Variants in NFASC observed in about 807,000 individuals in gnomAD.
NFASC encodes neurofascin homolog.
Under a neutral mutation model 147.5 loss-of-function variants are expected in NFASC, and 43 were observed. The observed-to-expected ratio is 0.29, with a 90% CI of 0.23 to 0.38. The LOEUF (loss-of-function observed/expected upper bound fraction) is 0.38. Ranked by LOEUF, NFASC falls within the 10% of genes least tolerant of loss-of-function variation. The probability of loss-of-function intolerance (pLI) is 1.00; values close to 1 mark genes in which losing one functional copy is unlikely to be tolerated. For synonymous variants in NFASC, 622 were observed against 665.5 expected (o/e 0.93, Z 1.01); for missense variants, 1,320 against 1,689.0 (o/e 0.78, Z 3.83).
intron 1 of NFASC, among the ~76,000 whole-genome samples, chr1:204,844,237 A>C (rs1350591202): frequency 6.6e-6 from 1 of 152,244 alleles, no homozygotes; most frequent in Admixed American, 6.5e-5. Flanking sequence ...AGAGTTAAGT[A>C]GGGCTTACCC....
At chr1:204,839,600 T>C (rs16854510) in intron 1 of NFASC, among the ~76,000 whole-genome samples, 1,792 of 152,136 alleles carry the variant, frequency 0.012, 31 homozygotes, top group African/African-American at 0.04. Flanking sequence ...AGAGCTGCCT[T>C]TATGGTTGGT....
chr1:204,896,937 G>A (rs2149121531), intron 1 of NFASC, among the ~76,000 whole-genome samples: 1 of 152,276 alleles, frequency 6.6e-6, no homozygotes, highest in East Asian at 1.9e-4. Flanking sequence ...CTCAAGTCTG[G>A]CAGGAATTAC....
rs1000650526 is a variant in NFASC, at chr1:204,906,901, T to C, written c.-199-13731T>C. Among the ~76,000 whole-genome samples the C allele has an allele frequency of 5.3e-5, 8 of 152,272 alleles. No homozygotes were observed. The East Asian group carries it at 1.2e-3, about 22-fold the overall frequency. Reference sequence around the variant, plus strand: ...GGTTTCACCATGTTAGCCAGGATGGTCTGCATCTCCTGACCTTGTGATCCG... The same window carrying C: ...GGTTTCACCATGTTAGCCAGGATGGCCTGCATCTCCTGACCTTGTGATCCG... On this transcript the variant is annotated intron_variant, in intron 1 of 29. Transcript: ENST00000339876.
intron 1 of NFASC, among the ~76,000 whole-genome samples, chr1:204,869,126 G>T (rs2077361395): frequency 6.6e-6 from 1 of 152,206 alleles, no homozygotes; most frequent in Admixed American, 6.5e-5. Context: ...GCCAGATGGG[G>T]GCTAGATGTG....
At chr1:204,867,342 GACAA>G (rs1301597457) in intron 1 of NFASC, among the ~76,000 whole-genome samples, 7 of 151,314 alleles carry the variant, frequency 4.6e-5, no homozygotes, top group East Asian at 2.0e-4. Context: ...CAGGAACTAG[GACAA>G]ACAAACACAC....
At chr1:204,834,061 C>A (rs1375678010) in intron 1 of NFASC, among the ~76,000 whole-genome samples, 1 of 152,094 alleles carries the variant, frequency 6.6e-6, no homozygotes, top group Non-Finnish European at 1.5e-5. Flanking sequence ...GCAAGAGAAG[C>A]AGAGGGTATT....
At chr1:204,840,146 G>C (rs1674890276) in intron 1 of NFASC, among the ~76,000 whole-genome samples, 1 of 152,194 alleles carries the variant, frequency 6.6e-6, no homozygotes, top group Non-Finnish European at 1.5e-5. Flanking sequence ...TCTGGACTGG[G>C]TTTGAGATTC....
intron 4 of NFASC, among the ~76,000 whole-genome samples, chr1:204,951,313 TA>T (rs1284180271): frequency 2.4e-5 from 3 of 124,084 alleles, no homozygotes; most frequent in Non-Finnish European, 5.1e-5. Context: ...CATGCCCGGC[TA>T]ATTTTTTTTT....
At chr1:204,938,298 A>G (rs1050043589) in intron 2 of NFASC, among the ~76,000 whole-genome samples, 2 of 152,216 alleles carry the variant, frequency 1.3e-5, no homozygotes, top group Non-Finnish European at 2.9e-5. Flanking sequence ...CATATTGGTC[A>G]TGTCGTGGAG....
chr1:204,907,710 C>T (rs1572840807), intron 1 of NFASC, among the ~76,000 whole-genome samples: 1 of 152,196 alleles, frequency 6.6e-6, no homozygotes, highest in Non-Finnish European at 1.5e-5. Context: ...CTAGTGGCTT[C>T]AGAATGCAGG....
At chr1:204,839,910 G>A (rs749005774) in intron 1 of NFASC, among the ~76,000 whole-genome samples, 24 of 152,268 alleles carry the variant, frequency 1.6e-4, no homozygotes, top group Admixed American at 4.6e-4. Flanking sequence ...TGGTGATGTG[G>A]CTCCCCATGA....
intron 10 of NFASC, 136 bp downstream of exon 10, chr1:204,969,118 G>A (rs770899522): frequency 5.1e-4 from 387 of 755,820 alleles, no homozygotes; most frequent in Non-Finnish European, 7.6e-4. Flanking sequence ...ATGGCGATCT[G>A]CCATGGATGG....
At chr1:204,933,828 A>T (rs1483738996) in intron 2 of NFASC, among the ~76,000 whole-genome samples, 1 of 151,912 alleles carries the variant, frequency 6.6e-6, no homozygotes, top group African/African-American at 2.4e-5. Flanking sequence ...GGATACAGAG[A>T]AGGATCTTTT....
At chr1:204,828,914 TC>T in intron 1 of NFASC, 132 bp downstream of exon 1, 1 of 423,286 alleles carries the variant, frequency 2.4e-6, no homozygotes, top group Non-Finnish European at 2.9e-6. Context: ...CACATTCCCA[TC>T]CCTTCCCCTC....
intron 17 of NFASC, 87 bp from the exon 18 acceptor site, chr1:204,978,881 C>A: frequency 9.6e-7 from 1 of 1,039,942 alleles, no homozygotes; most frequent in Non-Finnish European, 1.4e-6. Flanking sequence ...CGAAGACAGC[C>A]CGTCAGGGAG....
intron 3 of NFASC, chr1:204,945,041 A>G (rs2093620631): frequency 6.6e-6 from 1 of 152,212 alleles, no homozygotes; most frequent in African/African-American, 2.4e-5. Context: ...AATCGCTGTC[A>G]TTCTGTTTCT....
At chr1:204,967,402 A>G (rs1431727108) in intron 8 of NFASC, among the ~76,000 whole-genome samples, 1 of 152,144 alleles carries the variant, frequency 6.6e-6, no homozygotes, top group African/African-American at 2.4e-5. Context: ...CCATGCTGGC[A>G]CAACCCTTCT....
rs2095365875 is a variant in NFASC, at chr1:204,975,084, T to C, written c.1559-187T>C. Reference sequence around the variant, plus strand: ...TATTCCTGAGCCAGATGGAGTGGATTTGGGGCATTATCTGCTTTGGGGATT... The same window carrying C: ...TATTCCTGAGCCAGATGGAGTGGATCTGGGGCATTATCTGCTTTGGGGATT... On this transcript the variant is annotated intron_variant, in intron 14 of 29. Coordinates refer to ENST00000339876, the MANE Select transcript of NFASC (RefSeq NM_001005388.3). The surrounding 1 kb of genome is among the most constrained non-coding windows in gnomAD (Gnocchi z 4.0). 6.6e-6 allele frequency among the ~76,000 whole-genome samples: 1 copy of C among 152,224 alleles called. No homozygotes were observed. The highest frequency in any genetic ancestry group is 1.5e-5 in the Non-Finnish European group (1 of 68,034).
chr1:204,961,094 C>A (rs2094641556), intron 8 of NFASC, among the ~76,000 whole-genome samples: 2 of 152,286 alleles, frequency 1.3e-5, no homozygotes, highest in South Asian at 2.1e-4. Context: ...TACCCCACCC[C>A]CTTTTAGTAC....
Sources: allele counts gnomAD v4.1 joint callset (sites outside exome capture counted in the v4.1 genomes callset), GRCh38; gene constraint gnomAD v4.1.1; non-coding constraint Gnocchi (gnomAD v3.1); transcripts MANE v1.5; gene names NCBI Gene and HGNC (gene_info 2026-07-23, HGNC 2026-07-21).